The following CHMP1A variants were observed in gnomAD, a reference collection of about 807,000 sequenced individuals.
CHMP1A encodes VPS46 homolog A.
Under a neutral mutation model 27.0 loss-of-function variants are expected in CHMP1A, and 17 were observed. The ratio of observed to expected loss-of-function variants is 0.63; its 90% confidence interval spans 0.43 to 0.95. The LOEUF is 0.95. Among genes scored for constraint, CHMP1A ranks in the 40% least tolerant of loss-of-function variants. The pLI is 0.00. For missense variants in CHMP1A, 275 were observed against 264.0 expected (o/e 1.04, Z -0.29); for synonymous variants, 131 against 107.5 (o/e 1.22, Z -1.35).
In CHMP1A at chr16:89,644,440, A is replaced by T. The variant is rs1313649515; in HGVS notation, c.*1626T>A. 2 of 152,206 alleles carry T rather than the reference A, an allele frequency of 1.3e-5. No homozygotes were observed. The highest frequency in any genetic ancestry group is 4.8e-5 in the African/African-American group (2 of 41,444). The allele number at this position is 152,206 out of a possible 1,614,324, so 9.4% of individuals were successfully genotyped here. On this transcript the variant is annotated 3_prime_UTR_variant, in exon 7 of 7. Transcript: ENST00000397901. ...CAAAGCAAAGCTTGAGAAAGTTTCC[A>T]GGGATCCATTTGTTTATTTACAACA...
chr16:89,652,396 C>T (rs2059831867), intron 2 of CHMP1A, among the ~76,000 whole-genome samples: 2 of 151,752 alleles, frequency 1.3e-5, no homozygotes, highest in African/African-American at 4.8e-5. Context: ...GAACCACAGA[C>T]GCCCTGGTAC....
chr16:89,655,301 G>A (rs1293672790), intron 1 of CHMP1A, among the ~76,000 whole-genome samples: 1 of 152,206 alleles, frequency 6.6e-6, no homozygotes, highest in African/African-American at 2.4e-5. Context: ...ATGGCACAGT[G>A]CAGGCCAGGC....
Position 89,653,937 on chromosome 16 carries a change from G to C in CHMP1A, c.8-14C>G, listed in dbSNP as rs368546347. On this transcript the variant is annotated splice_polypyrimidine_tract_variant and intron_variant, in intron 1 of 6. Coordinates refer to ENST00000397901, the MANE Select transcript of CHMP1A (RefSeq NM_002768.5). ...GGAACAGGGTATCTGCAAAGAAAGA[G>C]GGAATTAATGGTTTGAGGATTGGGA... 41 of 1,613,250 alleles carry C rather than the reference G, an allele frequency of 2.5e-5. No individual in the cohort carries two copies. Among genetic ancestry groups the C allele is most frequent in the Non-Finnish European group, 3.5e-5 (41 of 1,179,418 alleles).
intron 1 of CHMP1A, 92 bp downstream of exon 1, chr16:89,657,490 G>T (rs1287911979): frequency 2.0e-6 from 3 of 1,522,374 alleles, no homozygotes; most frequent in Non-Finnish European, 2.7e-6. Flanking sequence ...CCTGAGTCCT[G>T]CCCGCGGCCC....
chr16:89,654,522 C>A (rs1057435273), intron 1 of CHMP1A, among the ~76,000 whole-genome samples: 4 of 152,144 alleles, frequency 2.6e-5, no homozygotes, highest in Admixed American at 2.0e-4. Flanking sequence ...GAGCTGATTT[C>A]CAGCGGTACA....
intron 4 of CHMP1A, among the ~76,000 whole-genome samples, chr16:89,648,919 C>T (rs201338333): frequency 2.7e-5 from 4 of 146,600 alleles, no homozygotes; most frequent in African/African-American, 5.0e-5. Flanking sequence ...CAGCTACTTG[C>T]GAGGCTGAGG....
At chr16:89,656,389 G>T (rs562369209) in intron 1 of CHMP1A, among the ~76,000 whole-genome samples, 1 of 152,042 alleles carries the variant, frequency 6.6e-6, no homozygotes, top group Non-Finnish European at 1.5e-5. Flanking sequence ...CGCCGGCCTC[G>T]GCCTCCCAAA....
chr16:89,655,868 A>C (rs2059861495), intron 1 of CHMP1A, among the ~76,000 whole-genome samples: 1 of 152,130 alleles, frequency 6.6e-6, no homozygotes, highest in Non-Finnish European at 1.5e-5. Context: ...TCAGGTGATC[A>C]ACCAACCTCG....
intron 3 of CHMP1A, 140 bp downstream of exon 3, chr16:89,651,429 G>A: frequency 1.6e-6 from 1 of 606,556 alleles, no homozygotes; most frequent in African/African-American, 1.9e-5. Context: ...GTACCTCAAG[G>A]TGACGATTAA....
Position 89,654,059 on chromosome 16 carries a change from C to T in CHMP1A, c.8-136G>A, listed in dbSNP as rs928962341. 150 of 919,384 alleles carry T rather than the reference C, an allele frequency of 1.6e-4. No homozygotes were observed. The African/African-American group carries it at 2.0e-3, about 12-fold the overall frequency. 57.0% of individuals were successfully genotyped at this position (919,384 alleles called of 1,614,324 possible). ...ACAGACCACACCTGCCTGGGGCCTT[C>T]GGGGAGCCCCCCCCAACAGGGGAGG... On this transcript the variant is annotated intron_variant, in intron 1 of 6. Coordinates refer to ENST00000397901, the MANE Select transcript of CHMP1A (RefSeq NM_002768.5).
At chr16:89,653,751 A>C (rs1281908900) in intron 2 of CHMP1A, among the ~76,000 whole-genome samples, 153 bp downstream of exon 2, 1 of 152,010 alleles carries the variant, frequency 6.6e-6, no homozygotes, top group Non-Finnish European at 1.5e-5. Flanking sequence ...TGGCTCAATA[A>C]TCCCCTCCTT....
chr16:89,651,702 C>G (rs1006872139), intron 2 of CHMP1A, 56 bp from the exon 3 acceptor site: 2 of 1,550,104 alleles, frequency 1.3e-6, no homozygotes, highest in Admixed American at 1.7e-5. Context: ...CCCCCAGGCC[C>G]GGCTCTCCAC....
In CHMP1A at chr16:89,645,439, G is replaced by A. The variant is rs914041763; in HGVS notation, c.*627C>T. 3 of 166,206 alleles carry A rather than the reference G, an allele frequency of 1.8e-5. No individual in the cohort carries two copies. Among genetic ancestry groups the A allele is most frequent in the African/African-American group, 7.2e-5 (3 of 41,522 alleles). 10.3% of individuals were successfully genotyped at this position (166,206 alleles called of 1,614,324 possible). A position where few individuals can be genotyped will look rare whatever the true frequency, so the allele number is the denominator to read the frequency against. On this transcript the variant is annotated 3_prime_UTR_variant, in exon 7 of 7. Coordinates refer to ENST00000397901, the MANE Select transcript of CHMP1A (RefSeq NM_002768.5). ...GTGACGGTTCTGTCCCCATGGACTG[G>A]GCAGCTTTGGGAACTGAGGGAAGTG...
At chr16:89,655,036 C>T (rs2059853747) in intron 1 of CHMP1A, among the ~76,000 whole-genome samples, 1 of 152,138 alleles carries the variant, frequency 6.6e-6, no homozygotes, top group African/African-American at 2.4e-5. Flanking sequence ...ACCCCAGATT[C>T]CTGAAAGGGC....
chr16:89,649,209 C>A, intron 4 of CHMP1A, 142 bp downstream of exon 4: 2 of 859,908 alleles, frequency 2.3e-6, no homozygotes, highest in Non-Finnish European at 1.7e-6. Flanking sequence ...CCACCCCACG[C>A]TGATCCAGCT....
intron 1 of CHMP1A, among the ~76,000 whole-genome samples, chr16:89,654,198 C>T (rs536296913): frequency 6.6e-6 from 1 of 152,224 alleles, no homozygotes. Context: ...ACCAGCCAAT[C>T]TCAAAGGGTT....
At chr16:89,649,149 C>T in intron 4 of CHMP1A, 2 of 361,206 alleles carry the variant, frequency 5.5e-6, no homozygotes, top group Non-Finnish European at 4.5e-6. Flanking sequence ...CCACGCTGAT[C>T]CAGCTTAACT....
rs71396947 is a variant in CHMP1A at position 89,648,351 on chromosome 16, C to G, written c.252+1000G>C. Among the ~76,000 whole-genome samples, 92 of 26,392 alleles carry G rather than the reference C, an allele frequency of 3.5e-3. 5 individuals are homozygous for G. The highest frequency in any genetic ancestry group is 6.7e-3 in the Admixed American group (13 of 1,938). The allele number at this position is 26,392 out of a possible 152,430, so 17.3% of individuals were successfully genotyped here. ...AGCGCGGGGTCGGTGGAGAAAAGGCCGCCGACGTGGAGACCCAGCGCGGGG... is the reference window on the plus strand; with the variant it reads ...AGCGCGGGGTCGGTGGAGAAAAGGCGGCCGACGTGGAGACCCAGCGCGGGG... On this transcript the variant is annotated intron_variant, in intron 4 of 6. Transcript: ENST00000397901.
intron 5 of CHMP1A, 182 bp from the exon 6 acceptor site, chr16:89,646,896 A>ACCCCC: frequency 2.1e-5 from 4 of 189,484 alleles, no homozygotes; most frequent in South Asian, 5.8e-5. Flanking sequence ...CCCCCCACCC[A>ACCCCC]GCCCCACCCT....
Sources: gnomAD v4.1 joint callset for allele counts (sites outside exome capture counted in the v4.1 genomes callset) on GRCh38, gnomAD v4.1.1 for gene constraint, MANE v1.5 for transcripts, NCBI Gene and HGNC (gene_info 2026-07-23, HGNC 2026-07-21) for gene names.